Variants in CYP39A1 observed in about 807,000 individuals in gnomAD.
The protein encoded by CYP39A1 is 24-hydroxycholesterol 7-alpha-hydroxylase.
A neutral mutation model predicts 58.1 loss-of-function variants in CYP39A1; 49 were observed. The observed-to-expected ratio is 0.84, with a 90% CI of 0.67 to 1.07. The LOEUF is 1.07. CYP39A1 is among the 50% of genes least tolerant of loss of function. The pLI is 0.00. For missense variants in CYP39A1, 531 were observed against 539.4 expected, an observed-to-expected ratio of 0.98 and a Z score of 0.16; for synonymous variants, 209 against 187.6, an observed-to-expected ratio of 1.11 and a Z score of -0.93.
At chr6:46,638,341 CAAT>C (rs1174682289) in intron 3 of CYP39A1, among the ~76,000 whole-genome samples, 1 of 151,820 alleles carries the variant, frequency 6.6e-6, no homozygotes, top group Admixed American at 6.6e-5. Flanking sequence ...GCAACAACAA[CAAT>C]AACAACAACA....
chr6:46,599,483 C>T (rs976604133), intron 7 of CYP39A1, among the ~76,000 whole-genome samples: 1 of 152,132 alleles, frequency 6.6e-6, no homozygotes, highest in Non-Finnish European at 1.5e-5. Context: ...AACAAGCTGT[C>T]GCACTGGTTC....
chr6:46,598,859 T>C lies in CYP39A1; in HGVS notation c.932-2739A>G, dbSNP rs982492762. ...TTAGTTTATGAATGACACACAAACT[T>C]AGAGCAGTGCCCGGTATGTACTAAG... On this transcript the variant is annotated intron_variant, in intron 7 of 11. Coordinates refer to ENST00000275016, the MANE Select transcript of CYP39A1 (RefSeq NM_016593.5). 1.3e-5 allele frequency among the ~76,000 whole-genome samples: 2 copies of C among 152,164 alleles called. 1 individual carries two copies. Among genetic ancestry groups the C allele is most frequent in the South Asian group, 4.1e-4 (2 of 4,824 alleles).
intron 3 of CYP39A1, 55 bp downstream of exon 3, chr6:46,639,439 A>T (rs1337779565): frequency 1.3e-6 from 2 of 1,562,386 alleles, no homozygotes; most frequent in East Asian, 2.2e-5. Flanking sequence ...ATAGGTTTCA[A>T]TTTTTTTATT....
At chr6:46,567,604 A>C (rs748103491) in intron 10 of CYP39A1, among the ~76,000 whole-genome samples, 3 of 152,042 alleles carry the variant, frequency 2.0e-5, no homozygotes, top group Non-Finnish European at 4.4e-5. Flanking sequence ...CAAAGGTTCC[A>C]ATTTCTCCAC....
In CYP39A1 at chr6:46,588,099, T is replaced by A. The variant is rs372263134; in HGVS notation, c.1096A>T (p.Met366Leu). 1 of 1,599,466 alleles carries A rather than the reference T, an allele frequency of 6.3e-7. No homozygotes were observed. The change falls in exon 9 of 12, where the codon ATG becomes TTG. Residue 366 changes from methionine to leucine, a missense_variant. Met to Leu is a conservative substitution (Grantham distance 15, BLOSUM62 2). Transcript: ENST00000275016. ...NYIIPSGDLL[M>L]LSPFWLHRNP... is the part of the protein sequence containing the mutation. ...CTATGCAGCCAAAATGGAGACAACA[T>A]CAACAAGTCACCAGAAGGAATGATG...
intron 5 of CYP39A1, 88 bp downstream of exon 5, chr6:46,636,301 A>T: frequency 1.1e-6 from 1 of 915,738 alleles, no homozygotes; most frequent in Non-Finnish European, 1.7e-6. Flanking sequence ...GTATCTAATC[A>T]ATCTCATGTG....
intron 7 of CYP39A1, among the ~76,000 whole-genome samples, chr6:46,617,250 T>C (rs879378668): frequency 6.6e-6 from 1 of 152,220 alleles, no homozygotes; most frequent in Admixed American, 6.5e-5. Context: ...TGTTTTTCTC[T>C]AATCTATAAG....
chr6:46,592,808 C>A (rs1002738520), intron 8 of CYP39A1, among the ~76,000 whole-genome samples: 1 of 151,944 alleles, frequency 6.6e-6, no homozygotes, highest in African/African-American at 2.4e-5. Context: ...ATACAAAAAT[C>A]AACTGGGCAT....
intron 10 of CYP39A1, among the ~76,000 whole-genome samples, chr6:46,571,336 T>G (rs940009843): frequency 2.6e-5 from 4 of 152,172 alleles, no homozygotes; most frequent in African/African-American, 9.6e-5. Flanking sequence ...AGTCCCTTAC[T>G]ATTATTGCAT....
intron 7 of CYP39A1, among the ~76,000 whole-genome samples, chr6:46,597,088 G>A (rs1186985683): frequency 6.6e-6 from 1 of 152,066 alleles, no homozygotes; most frequent in Non-Finnish European, 1.5e-5. Flanking sequence ...CATTTTGCAG[G>A]AAAAGGTTTA....
At chr6:46,650,174 G>T (rs766658148) in intron 1 of CYP39A1, among the ~76,000 whole-genome samples, 2 of 150,890 alleles carry the variant, frequency 1.3e-5, no homozygotes, top group African/African-American at 2.4e-5. Flanking sequence ...GGTATGAAGA[G>T]GTTTATTTCA....
chr6:46,588,457 TAGTATA>T (rs2150512661), intron 8 of CYP39A1, among the ~76,000 whole-genome samples: 1 of 152,192 alleles, frequency 6.6e-6, no homozygotes, highest in South Asian at 2.1e-4. Flanking sequence ...TTTTAGAAAC[TAGTATA>T]AGTCCCTTCT....
intron 10 of CYP39A1, among the ~76,000 whole-genome samples, chr6:46,573,841 A>T (rs1386742446): frequency 6.6e-6 from 1 of 152,236 alleles, no homozygotes. Flanking sequence ...GCCCTTTAAA[A>T]AAGCACAGGT....
At chr6:46,564,413 C>G (rs190445536) in intron 10 of CYP39A1, among the ~76,000 whole-genome samples, 1 of 151,894 alleles carries the variant, frequency 6.6e-6, no homozygotes, top group Non-Finnish European at 1.5e-5. Flanking sequence ...TCAGGCTGGT[C>G]GCAAACTCCT....
rs146155126 is a variant in CYP39A1, at chr6:46,571,539, T to C, written c.1250+15538A>G. On this transcript the variant is annotated intron_variant, in intron 10 of 11. Transcript: ENST00000275016. ...TCTAGTTTGTCTAATCAGAGCTAAC[T>C]CTGCTGTCTTTTGGTTTACATTTAC... Among the ~76,000 whole-genome samples, 482 of 152,202 alleles carry C rather than the reference T, an allele frequency of 3.2e-3. 3 individuals are homozygous for C. The highest frequency in any genetic ancestry group is 0.018 in the South Asian group (88 of 4,824).
At chr6:46,602,934 A>AG (rs1773606220) in intron 7 of CYP39A1, among the ~76,000 whole-genome samples, 1 of 79,962 alleles carries the variant, frequency 1.3e-5, no homozygotes, top group South Asian at 4.6e-4. Context: ...GGGGGGGGGG[A>AG]GCTTTATTTC....
At chr6:46,637,108 T>A (rs573004781) in intron 4 of CYP39A1, among the ~76,000 whole-genome samples, 1 of 152,024 alleles carries the variant, frequency 6.6e-6, no homozygotes, top group East Asian at 1.9e-4. Context: ...GAGAATGCAG[T>A]GAAAAATTGG....
intron 7 of CYP39A1, among the ~76,000 whole-genome samples, chr6:46,615,948 A>G (rs1276012217): frequency 6.6e-6 from 1 of 151,032 alleles, no homozygotes; most frequent in Admixed American, 6.6e-5. Flanking sequence ...ATTTAATACT[A>G]TAATACCACC....
intron 10 of CYP39A1, among the ~76,000 whole-genome samples, chr6:46,567,984 G>A (rs2150490984): frequency 8.7e-6 from 1 of 114,912 alleles, no homozygotes; most frequent in South Asian, 2.6e-4. Context: ...GAGCTTATAA[G>A]ACATTTTTTT....
Sources: gnomAD v4.1 joint callset for allele counts (sites outside exome capture counted in the v4.1 genomes callset) on GRCh38, gnomAD v4.1.1 for gene constraint, MANE v1.5 for transcripts, NCBI Gene and HGNC (gene_info 2026-07-23, HGNC 2026-07-21) for gene names.